The following SERPINB7 variants were observed in gnomAD, a reference collection of about 807,000 sequenced individuals.
SERPINB7 encodes the protein serpin family B member 7, also known as serpin B7.
A neutral mutation model predicts 37.4 loss-of-function variants in SERPINB7; 31 were observed. The observed-to-expected ratio is 0.83, with a 90% CI of 0.62 to 1.12. The LOEUF is 1.12. Among genes scored for constraint, SERPINB7 ranks in the 50% most tolerant of loss-of-function variants. SERPINB7 has a pLI of 0.00. For missense variants in SERPINB7, 521 were observed against 455.3 expected (o/e 1.14, Z -1.31); for synonymous variants, 163 against 166.1 (o/e 0.98, Z 0.14).
intron 1 of SERPINB7, among the ~76,000 whole-genome samples, chr18:63,765,205 A>C (rs1207969412): frequency 6.6e-6 from 1 of 152,172 alleles, no homozygotes; most frequent in African/African-American, 2.4e-5. Context: ...TCTTAGAAAA[A>C]TGTTACAAAC....
upstream of SERPINB7, among the ~76,000 whole-genome samples, chr18:63,771,341 T>C (rs1371219327): frequency 6.6e-6 from 1 of 152,130 alleles, no homozygotes; most frequent in African/African-American, 2.4e-5. Flanking sequence ...TTTCTTTGAA[T>C]ATGGTTTCCT....
chr18:63,787,064 T>C (rs1242613844), intron 2 of SERPINB7, among the ~76,000 whole-genome samples: 2 of 152,206 alleles, frequency 1.3e-5, no homozygotes, highest in Admixed American at 1.3e-4. Context: ...ATATACAACC[T>C]ATACATATAG....
chr18:63,802,083 T>C (rs1168284299), intron 7 of SERPINB7, among the ~76,000 whole-genome samples: 1 of 152,198 alleles, frequency 6.6e-6, no homozygotes, highest in Non-Finnish European at 1.5e-5. Flanking sequence ...ACCAACAACA[T>C]CTTGGAGGTT....
intron 1 of SERPINB7, among the ~76,000 whole-genome samples, chr18:63,754,697 C>T (rs898839357): frequency 1.3e-5 from 2 of 152,106 alleles, no homozygotes; most frequent in African/African-American, 4.8e-5. Flanking sequence ...GGAGTTTCAG[C>T]ATCATTTCCA....
intron 1 of SERPINB7, among the ~76,000 whole-genome samples, chr18:63,781,774 C>CA (rs1181555919): frequency 2.6e-5 from 4 of 151,648 alleles, no homozygotes; most frequent in Admixed American, 2.0e-4. Context: ...CTTTGCATTC[C>CA]AAAAAAATCA....
intron 2 of SERPINB7, among the ~76,000 whole-genome samples, chr18:63,787,224 T>C (rs2049382220): frequency 6.6e-6 from 1 of 152,192 alleles, no homozygotes; most frequent in African/African-American, 2.4e-5. Context: ...TTTTGGATTT[T>C]GGATTAGGAT....
upstream of SERPINB7, among the ~76,000 whole-genome samples, chr18:63,773,386 A>G (rs936100930): frequency 1.3e-5 from 2 of 152,120 alleles, no homozygotes; most frequent in African/African-American, 4.8e-5. Context: ...CTAATTTGGA[A>G]CATTAAGTAT....
At chr18:63,764,197 C>T (rs1413966447) in intron 1 of SERPINB7, among the ~76,000 whole-genome samples, 6 of 152,126 alleles carry the variant, frequency 3.9e-5, no homozygotes, top group Non-Finnish European at 5.9e-5. Context: ...CACTTACAGC[C>T]GTGGTTCCCA....
intron 1 of SERPINB7, among the ~76,000 whole-genome samples, chr18:63,769,856 A>G (rs1455759157): frequency 2.0e-5 from 3 of 151,730 alleles, no homozygotes; most frequent in African/African-American, 4.8e-5. Context: ...TCACTTCTTT[A>G]TGATTGTCCT....
At chr18:63,774,782 G>A (rs2049233043), upstream of SERPINB7, among the ~76,000 whole-genome samples, 1 of 152,060 alleles carries the variant, frequency 6.6e-6, no homozygotes, top group African/African-American at 2.4e-5. Context: ...GTTCAGGTAA[G>A]CATTTAGAGA....
At chr18:63,796,558 C>G (rs533752162) in intron 5 of SERPINB7, among the ~76,000 whole-genome samples, 175 bp downstream of exon 5, 1 of 152,242 alleles carries the variant, frequency 6.6e-6, no homozygotes, top group Middle Eastern at 3.4e-3. Context: ...TTGGAATAAT[C>G]TTAATAATTT....
rs2689399 is a variant in SERPINB7, at chr18:63,801,072, G to C, written c.744+60G>C. On this transcript the variant is annotated intron_variant, in intron 7 of 7. Coordinates refer to ENST00000398019, the MANE Select transcript of SERPINB7 (RefSeq NM_003784.4). ...TAAGACTTTTAGGATACTGTTGATT[G>C]AGTTTTCACTGATAAACTGTAAGAT... 0.54 allele frequency: 829,046 copies of C among 1,528,146 alleles called. 229,070 individuals carry two copies. The highest frequency in any genetic ancestry group is 0.79 in the African/African-American group (57,432 of 72,882). 94.7% of individuals were successfully genotyped at this position (1,528,146 alleles called of 1,614,324 possible). A position where few individuals can be genotyped will look rare whatever the true frequency, so the allele number is the denominator to read the frequency against.
chr18:63,769,375 T>A (rs776487054), intron 1 of SERPINB7, among the ~76,000 whole-genome samples: 3 of 152,152 alleles, frequency 2.0e-5, no homozygotes, highest in Non-Finnish European at 4.4e-5. Context: ...TATAAAAGTG[T>A]CTGAAACCAC....
chr18:63,787,149 G>A (rs1355718653), intron 2 of SERPINB7, among the ~76,000 whole-genome samples: 1 of 152,122 alleles, frequency 6.6e-6, no homozygotes. Context: ...CACATCACAT[G>A]AGGTCACATA....
intron 1 of SERPINB7, among the ~76,000 whole-genome samples, chr18:63,756,644 G>A (rs1469070960): frequency 6.6e-6 from 1 of 152,166 alleles, no homozygotes; most frequent in East Asian, 1.9e-4. Flanking sequence ...TTCATGCTCG[G>A]CATTATTTGA....
chr18:63,804,538 T>A lies in SERPINB7; in HGVS notation c.1046T>A (p.Leu349His). 1 of 1,613,818 alleles carries A rather than the reference T, an allele frequency of 6.2e-7. No homozygotes were observed. The highest frequency in any genetic ancestry group is 8.5e-7 in the Non-Finnish European group (1 of 1,179,888). ...ATGSNIVEKQ[L>H]PQSTLFRADH... ...GGAAGTAATATTGTAGAAAAGCAAC[T>A]CCCTCAGTCCACGCTGTTTAGAGCT... Residue 349 changes from leucine to histidine, a missense_variant, in exon 8 of 8, where the codon CTC becomes CAC. Leu to His is a moderately conservative substitution (Grantham distance 99). Transcript: ENST00000398019.
At chr18:63,756,404 C>T (rs1421781358) in intron 1 of SERPINB7, among the ~76,000 whole-genome samples, 1 of 152,110 alleles carries the variant, frequency 6.6e-6, no homozygotes, top group African/African-American at 2.4e-5. Flanking sequence ...GTCTTTCTGT[C>T]CATGGAACAC....
chr18:63,804,385 A>G lies in SERPINB7; in HGVS notation c.893A>G (p.Asp298Gly), dbSNP rs1201013576. ...KQYLRALGLK[D>G]IFDESKADLS... ...TATTTGAGAGCCCTAGGGCTGAAAG[A>G]TATCTTTGATGAATCCAAAGCAGAT... Residue 298 changes from aspartate (D) to glycine (G), a missense_variant, in exon 8 of 8, where the codon GAT becomes GGT. By Grantham distance (94) the Asp-to-Gly change is moderately conservative. Coordinates refer to ENST00000398019, the MANE Select transcript of SERPINB7 (RefSeq NM_003784.4). 3 of 1,613,752 alleles carry G rather than the reference A, an allele frequency of 1.9e-6. No individual in the cohort carries two copies. The highest frequency in any genetic ancestry group is 2.7e-5 in the African/African-American group (2 of 74,910).
rs748940546 is a variant in SERPINB7 at position 63,782,354 on chromosome 18, G to A, written c.-18-1G>A. The A allele has an allele frequency of 3.1e-6, 5 of 1,599,564 alleles. No individual in the cohort carries two copies. The highest frequency in any genetic ancestry group is 4.3e-6 in the Non-Finnish European group (5 of 1,171,160). On this transcript the variant is annotated splice_acceptor_variant, in intron 1 of 7. Transcript: ENST00000398019. LOFTEE classifies it low-confidence loss of function (5UTR_SPLICE). ...AATTTCATTTTCTCATTGTCCTCTA[G>A]GCTGCACTCCATTTTGCAATGGCCT...
Sources: allele counts gnomAD v4.1 joint callset (sites outside exome capture counted in the v4.1 genomes callset), GRCh38; gene constraint gnomAD v4.1.1; transcripts MANE v1.5; gene names NCBI Gene and HGNC (gene_info 2026-07-23, HGNC 2026-07-21).